TCF3: variants seen among roughly 807,000 people sequenced by gnomAD.
TCF3 encodes transcription factor 3.
Under a neutral mutation model 72.3 loss-of-function variants are expected in TCF3, and 54 were observed. The ratio of observed to expected loss-of-function variants is 0.75; its 90% CI spans 0.60 to 0.94. The LOEUF is 0.94. Among genes scored for constraint, TCF3 ranks in the 40% least tolerant of loss-of-function variants. The probability of loss-of-function intolerance (pLI) is 0.00; values close to 1 mark genes in which losing one functional copy is unlikely to be tolerated. For missense variants in TCF3, 1,078 were observed against 934.4 expected, an observed-to-expected ratio of 1.15 and a Z score of -2.00; for synonymous variants, 525 against 412.6, an observed-to-expected ratio of 1.27 and a Z score of -3.30.
Position 1,610,890 on chromosome 19 carries a change from G to A in TCF3, c.*817C>T, listed in dbSNP as rs957609349. 8 of 148,290 alleles carry A rather than the reference G, an allele frequency of 5.4e-5. No individual in the cohort carries two copies. Among genetic ancestry groups the A allele is most frequent in the African/African-American group, 2.0e-4 (7 of 35,812 alleles). 9.2% of individuals were successfully genotyped at this position (148,290 alleles called of 1,614,324 possible). ...ACATCAAAAAAACAAAAGACCCGCC[G>A]CCTGTCCCCGTTCTGTCTGTGTGCA... is the stretch of plus-strand genomic sequence containing the variant. On this transcript the variant is annotated 3_prime_UTR_variant, in exon 19 of 19. Coordinates refer to ENST00000262965, the MANE Select transcript of TCF3 (RefSeq NM_003200.5).
intron 18 of TCF3, 65 bp from the exon 19 acceptor site, chr19:1,611,914 G>GT (rs1205243953): frequency 3.4e-6 from 2 of 588,178 alleles, no homozygotes; most frequent in Admixed American, 3.4e-5. Flanking sequence ...TGAGGTGGGA[G>GT]TGGGGGGTAG....
At position 1,611,014 on chromosome 19, in the gene TCF3, T is replaced by C; in HGVS notation, c.*693A>G. 4.5e-6 allele frequency: 1 copy of C among 221,838 alleles called. No individual in the cohort carries two copies. Among genetic ancestry groups the C allele is most frequent in the Non-Finnish European group, 8.9e-6 (1 of 112,258 alleles). 13.7% of individuals were successfully genotyped at this position (221,838 alleles called of 1,614,324 possible). A position where few individuals can be genotyped will look rare whatever the true frequency, so the allele number is the denominator to read the frequency against. On this transcript the variant is annotated 3_prime_UTR_variant, in exon 19 of 19. Transcript: ENST00000262965. ...TCTGGTTGATCAAGAAATGCAATGC[T>C]CAGTCTAGGAACAGCAGCAGAAATA...
At position 1,652,368 on chromosome 19, in the gene TCF3, CG is replaced by C. The variant is rs1048062964; in HGVS notation, c.-109del. On this transcript the variant is annotated 5_prime_UTR_variant, in exon 1 of 19. Coordinates refer to ENST00000262965, the MANE Select transcript of TCF3 (RefSeq NM_003200.5). ...GGCATGAAGCGGGGGGGCCCCCCCC[CG>C]GACAAAGGTGCGTCGCGGCCGGGCC... 6 of 143,594 alleles carry C rather than the reference CG, an allele frequency of 4.2e-5. No individual in the cohort carries two copies. The highest frequency in any genetic ancestry group is 1.5e-4 in the African/African-American group (6 of 39,936). The allele number at this position is 143,594 out of a possible 1,614,324, so 8.9% of individuals were successfully genotyped here.
At chr19:1,623,675 C>A (rs1192106275) in intron 8 of TCF3, among the ~76,000 whole-genome samples, 1 of 152,216 alleles carries the variant, frequency 6.6e-6, no homozygotes, top group Non-Finnish European at 1.5e-5. Context: ...TGAGCCACCA[C>A]ACCCAGCACA....
chr19:1,642,156 ACACACACAC>A (rs2065351994), intron 3 of TCF3, among the ~76,000 whole-genome samples: 2 of 151,250 alleles, frequency 1.3e-5, no homozygotes, highest in South Asian at 4.3e-4. Flanking sequence ...ACACACACAC[ACACACACAC>A]GCACGCGTAC....
At chr19:1,619,718 A>AG (rs1397548404) in intron 14 of TCF3, 62 bp downstream of exon 14, 1 of 1,154,896 alleles carries the variant, frequency 8.7e-7, no homozygotes, top group African/African-American at 1.9e-5. Flanking sequence ...CTCCTTCTCA[A>AG]GGAGCGTCTG....
chr19:1,641,123 C>T (rs2065176207), intron 3 of TCF3, among the ~76,000 whole-genome samples: 1 of 143,838 alleles, frequency 7.0e-6, no homozygotes, highest in South Asian at 2.2e-4. Flanking sequence ...GATCGTGCCA[C>T]TGCACTCCAG....
chr19:1,636,579 C>A (rs931256260), intron 3 of TCF3, among the ~76,000 whole-genome samples: 2 of 152,200 alleles, frequency 1.3e-5, no homozygotes, highest in African/African-American at 4.8e-5. Context: ...GGGTCACAGG[C>A]GTGCACAGCC....
chr19:1,649,862 G>A (rs976991434), intron 2 of TCF3, among the ~76,000 whole-genome samples: 1 of 152,228 alleles, frequency 6.6e-6, no homozygotes, highest in Non-Finnish European at 1.5e-5. Context: ...CAGATCAGAA[G>A]ATCAAGGCCG....
chr19:1,645,877 T>A (rs952889200), intron 3 of TCF3, among the ~76,000 whole-genome samples: 2 of 152,158 alleles, frequency 1.3e-5, no homozygotes, highest in Non-Finnish European at 2.9e-5. Flanking sequence ...GTCACCCTGG[T>A]GCTGGGCCCT....
intron 2 of TCF3, among the ~76,000 whole-genome samples, chr19:1,648,428 G>A (rs2066467648): frequency 6.6e-6 from 1 of 152,188 alleles, no homozygotes; most frequent in Non-Finnish European, 1.5e-5. Context: ...CTCCGACCCG[G>A]GATGGGGAGA....
intron 2 of TCF3, among the ~76,000 whole-genome samples, chr19:1,647,935 C>G (rs1398571356): frequency 3.3e-5 from 5 of 152,286 alleles, no homozygotes; most frequent in African/African-American, 1.2e-4. Context: ...TCGCACGCGG[C>G]AGGGCCTGGG....
chr19:1,652,211 C>A (rs993867089), intron 1 of TCF3, 89 bp downstream of exon 1: 52 of 148,754 alleles, frequency 3.5e-4, no homozygotes, highest in African/African-American at 1.2e-3. Flanking sequence ...CGCGCCCCCC[C>A]CCAACAAGCG....
chr19:1,619,483 T>TA lies in TCF3; in HGVS notation c.1168-10_1168-9insT. Reference sequence around the variant, plus strand: ...TCTTCTATCTTACTCTGCTGCAGGGTGGGGGGATGGGTGGTGAGGGGCCCA... The same window carrying TA: ...TCTTCTATCTTACTCTGCTGCAGGGTAGGGGGGATGGGTGGTGAGGGGCCCA... On this transcript the variant is annotated splice_polypyrimidine_tract_variant and intron_variant, in intron 14 of 18. Transcript: ENST00000262965. 7.3e-7 allele frequency: 1 copy of TA among 1,375,208 alleles called. No homozygotes were observed. Among genetic ancestry groups the TA allele is most frequent in the Non-Finnish European group, 9.8e-7 (1 of 1,022,772 alleles). 85.2% of individuals were successfully genotyped at this position (1,375,208 alleles called of 1,614,324 possible). A position where few individuals can be genotyped will look rare whatever the true frequency, so the allele number is the denominator to read the frequency against.
chr19:1,641,884 G>A (rs2065294101), intron 3 of TCF3, among the ~76,000 whole-genome samples: 1 of 152,002 alleles, frequency 6.6e-6, no homozygotes, highest in Non-Finnish European at 1.5e-5. Context: ...GTGAGCCGCT[G>A]ACCCAGCCCT....
At chr19:1,627,607 A>G (rs576051737) in intron 5 of TCF3, among the ~76,000 whole-genome samples, 181 bp from the exon 6 acceptor site, 3 of 152,030 alleles carry the variant, frequency 2.0e-5, no homozygotes, top group African/African-American at 4.8e-5. Context: ...TGGCCCCAGT[A>G]TGCCCATCTC....
intron 3 of TCF3, among the ~76,000 whole-genome samples, chr19:1,642,297 GAC>G (rs1159694111): frequency 1.3e-5 from 2 of 149,734 alleles, no homozygotes; most frequent in African/African-American, 5.0e-5. Flanking sequence ...CACACGCACA[GAC>G]ACACACCCGC....
chr19:1,630,934 A>G (rs963312413), intron 5 of TCF3, among the ~76,000 whole-genome samples: 1 of 152,238 alleles, frequency 6.6e-6, no homozygotes, highest in Non-Finnish European at 1.5e-5. Flanking sequence ...CACACGGGAC[A>G]CTGTCCCAGT....
intron 1 of TCF3, chr19:1,651,415 G>A (rs559290885): frequency 1.4e-4 from 31 of 226,836 alleles, no homozygotes; most frequent in African/African-American, 5.8e-4. Flanking sequence ...CCCCCGCTCA[G>A]TTTTTTTCTT....
Sources: allele counts gnomAD v4.1 joint callset (sites outside exome capture counted in the v4.1 genomes callset), GRCh38; gene constraint gnomAD v4.1.1; transcripts MANE v1.5; gene names NCBI Gene and HGNC (gene_info 2026-07-23, HGNC 2026-07-21).